SORCS2: variants seen among roughly 807,000 people sequenced by gnomAD.
SORCS2 encodes the protein sortilin related VPS10 domain containing receptor 2, also known as VPS10 domain-containing receptor SorCS2.
In SORCS2, 100 loss-of-function variants were observed where a neutral mutation model predicts 141.6. That is an observed-to-expected ratio of 0.71 (90% CI 0.60 to 0.83). SORCS2 has a LOEUF of 0.83. Among genes scored for constraint, SORCS2 ranks in the 40% least tolerant of loss-of-function variants. The probability of loss-of-function intolerance (pLI) is 0.00; values close to 1 mark genes in which losing one functional copy is unlikely to be tolerated. For missense variants in SORCS2, 1,646 were observed against 1,560.2 expected (o/e 1.05, Z -0.93); for synonymous variants, 789 against 676.9 (o/e 1.17, Z -2.57).
chr4:7,506,353 T>C (rs1042621211), intron 2 of SORCS2, among the ~76,000 whole-genome samples: 6 of 152,168 alleles, frequency 3.9e-5, no homozygotes, highest in Admixed American at 2.6e-4. Flanking sequence ...ATTTGCTCCA[T>C]TGGGGGAAAA....
rs115400650 is a variant in SORCS2 at position 7,562,911 on chromosome 4, T to C, written c.648+31282T>C. Among the ~76,000 whole-genome samples, 977 of 152,324 alleles carry C rather than the reference T, an allele frequency of 6.4e-3. 11 individuals are homozygous for C. The highest frequency in any genetic ancestry group is 0.022 in the African/African-American group (897 of 41,566). The stretch of plus-strand genomic sequence containing the variant: ...GCCATTGGATTTAGGGTCTAGCCTA[T>C]TCCAGGATGACCTTGTCTTCACTAA... On this transcript the variant is annotated intron_variant, in intron 3 of 26. Transcript: ENST00000507866.
chr4:7,227,089 G>T (rs368053394), intron 1 of SORCS2, among the ~76,000 whole-genome samples: 1 of 152,176 alleles, frequency 6.6e-6, no homozygotes, highest in Non-Finnish European at 1.5e-5. Flanking sequence ...GTACTCTTAC[G>T]CACTTGTGGG....
chr4:7,285,509 T>C (rs1716156196), intron 1 of SORCS2, among the ~76,000 whole-genome samples: 1 of 152,238 alleles, frequency 6.6e-6, no homozygotes, highest in Non-Finnish European at 1.5e-5. Flanking sequence ...AGCGCCTGGC[T>C]GCAGTGGGCG....
intron 3 of SORCS2, among the ~76,000 whole-genome samples, chr4:7,592,746 G>C (rs1392844414): frequency 1.3e-5 from 2 of 152,212 alleles, no homozygotes; most frequent in Admixed American, 6.5e-5. Flanking sequence ...TGGGACTTCA[G>C]GGTGGATTGG....
chr4:7,731,271 G>T (rs529534013), intron 23 of SORCS2, among the ~76,000 whole-genome samples: 1 of 152,204 alleles, frequency 6.6e-6, no homozygotes, highest in South Asian at 2.1e-4. Context: ...GTGGTGAAAA[G>T]CTTGTGCACT....
chr4:7,480,735 C>T (rs956846809), intron 2 of SORCS2, among the ~76,000 whole-genome samples: 2 of 152,198 alleles, frequency 1.3e-5, no homozygotes. Context: ...GGGCGCTGAC[C>T]GTGCAGACGC....
In SORCS2 at chr4:7,434,635, G is replaced by A. The variant is rs117994430; in HGVS notation, c.548+38280G>A. 5.0e-4 allele frequency: 805 copies of A among 1,613,376 alleles called. 8 individuals carry two copies. The East Asian group carries it at 0.016, about 33-fold the overall frequency. ...CAAAGCCAGGATGTCAGACTCCGTG[G>A]CGTCAGGGTTCAGCCCATTGCCAGC... On this transcript the variant is annotated intron_variant, in intron 2 of 26. Transcript: ENST00000507866.
intron 1 of SORCS2, among the ~76,000 whole-genome samples, chr4:7,363,416 T>C (rs554150825): frequency 2.6e-4 from 38 of 145,184 alleles, no homozygotes; most frequent in Non-Finnish European, 3.2e-4. Flanking sequence ...TCACCATAAC[T>C]GTGCATCACC....
At chr4:7,433,635 G>T (rs201852983) in intron 2 of SORCS2, 151 of 1,610,588 alleles carry the variant, frequency 9.4e-5, no homozygotes, top group Non-Finnish European at 1.2e-4. Context: ...TGTCTCGCTT[G>T]GTGCTCTTGC....
intron 1 of SORCS2, among the ~76,000 whole-genome samples, chr4:7,297,888 C>T (rs1036644544): frequency 2.0e-5 from 3 of 152,252 alleles, no homozygotes; most frequent in African/African-American, 7.2e-5. Context: ...TGTCCTCTGG[C>T]TGTGACTCTC....
intron 13 of SORCS2, among the ~76,000 whole-genome samples, chr4:7,703,607 A>G (rs1226233006): frequency 1.3e-5 from 2 of 152,028 alleles, no homozygotes; most frequent in Admixed American, 1.3e-4. Context: ...GGGAGGCCCC[A>G]CCCCAGCCTG....
At chr4:7,285,296 T>C (rs1447624272) in intron 1 of SORCS2, among the ~76,000 whole-genome samples, 1 of 151,962 alleles carries the variant, frequency 6.6e-6, no homozygotes, top group Non-Finnish European at 1.5e-5. Flanking sequence ...GCCTCCCAAA[T>C]TGTTGGGATT....
At chr4:7,244,441 G>A (rs1479560664) in intron 1 of SORCS2, among the ~76,000 whole-genome samples, 2 of 152,232 alleles carry the variant, frequency 1.3e-5, no homozygotes, top group East Asian at 1.9e-4. Context: ...TTCCATCTTC[G>A]CCACCACACC....
intron 3 of SORCS2, among the ~76,000 whole-genome samples, chr4:7,549,381 C>T (rs1442156794): frequency 6.6e-6 from 1 of 151,772 alleles, no homozygotes; most frequent in Non-Finnish European, 1.5e-5. Context: ...GCTTGGACAG[C>T]ATTCTAGATG....
intron 1 of SORCS2, among the ~76,000 whole-genome samples, chr4:7,355,029 A>T (rs1050556519): frequency 6.6e-6 from 1 of 151,908 alleles, no homozygotes. Context: ...AGAAAAAAAA[A>T]CACCCCACAT....
intron 1 of SORCS2, among the ~76,000 whole-genome samples, chr4:7,214,359 C>G (rs1446991030): frequency 6.6e-6 from 1 of 152,146 alleles, no homozygotes; most frequent in Non-Finnish European, 1.5e-5. Context: ...TTCAGCTCCC[C>G]TTTTCCTCTT....
rs1221749726 is a variant in SORCS2 at position 7,502,065 on chromosome 4, T to C, written c.549-29465T>C. Reference sequence around the variant, plus strand: ...CAAGGCTTCCTGAGCGCCAGTCACATGTGCCCAGGCAGGGAGGGGAGGGCG... The same window carrying C: ...CAAGGCTTCCTGAGCGCCAGTCACACGTGCCCAGGCAGGGAGGGGAGGGCG... On this transcript the variant is annotated intron_variant, in intron 2 of 26. Coordinates refer to ENST00000507866, the MANE Select transcript of SORCS2 (RefSeq NM_020777.3). Among the ~76,000 whole-genome samples the C allele has an allele frequency of 2.6e-5, 4 of 152,280 alleles. No individual in the cohort carries two copies. In the East Asian group the frequency reaches 7.7e-4, roughly 29 times the overall value.
chr4:7,734,950 C>T (rs74416943), intron 25 of SORCS2, among the ~76,000 whole-genome samples: 19,110 of 152,200 alleles, frequency 0.13, 1,271 homozygotes, highest in East Asian at 0.18. Context: ...CAGTGTTTGT[C>T]TATTGGGAGG....
intron 3 of SORCS2, among the ~76,000 whole-genome samples, chr4:7,555,944 A>C (rs1025982000): frequency 1.3e-5 from 2 of 152,256 alleles, no homozygotes; most frequent in African/African-American, 2.4e-5. Context: ...ACAAGTGCCC[A>C]CTAGTCCAGC....
Sources: allele counts gnomAD v4.1 joint callset (sites outside exome capture counted in the v4.1 genomes callset), GRCh38; gene constraint gnomAD v4.1.1; transcripts MANE v1.5; gene names NCBI Gene and HGNC (gene_info 2026-07-23, HGNC 2026-07-21).